EXOC4: variants seen among roughly 807,000 people sequenced by gnomAD.
EXOC4 encodes SEC8-like 1.
In EXOC4, 71 loss-of-function variants were observed where a neutral mutation model predicts 107.2. The ratio of observed to expected loss-of-function variants is 0.66; its 90% confidence interval spans 0.55 to 0.81. EXOC4 has a LOEUF of 0.81. EXOC4 is among the 30% of genes least tolerant of loss of function. EXOC4 has a pLI of 0.00. For missense variants in EXOC4, 1,108 were observed against 1,189.6 expected, an observed-to-expected ratio of 0.93 and a Z score of 1.01; for synonymous variants, 456 against 441.2, an observed-to-expected ratio of 1.03 and a Z score of -0.42.
intron 10 of EXOC4, among the ~76,000 whole-genome samples, chr7:133,645,827 G>A (rs930028883): frequency 1.7e-4 from 26 of 152,148 alleles, no homozygotes; most frequent in African/African-American, 6.0e-4. Context: ...ACTTCCAAAT[G>A]TATTTTGTGG....
intron 5 of EXOC4, among the ~76,000 whole-genome samples, chr7:133,319,838 C>CTTT (rs35274622): frequency 0.011 from 1,045 of 94,528 alleles, 5 homozygotes; most frequent in African/African-American, 0.021. Flanking sequence ...TGATCGTGTG[C>CTTT]TTTTTTTTTT....
intron 9 of EXOC4, among the ~76,000 whole-genome samples, chr7:133,590,354 A>G (rs1217734281): frequency 6.6e-6 from 1 of 152,072 alleles, no homozygotes; most frequent in East Asian, 1.9e-4. Flanking sequence ...CAGTGTAACA[A>G]TCATAGCTCC....
chr7:133,705,137 G>T (rs1335858681), intron 10 of EXOC4, among the ~76,000 whole-genome samples: 1 of 152,176 alleles, frequency 6.6e-6, no homozygotes, highest in Non-Finnish European at 1.5e-5. Flanking sequence ...GCTGAGGCCA[G>T]TGGATCACTT....
chr7:133,730,361 T>C (rs967008853), intron 10 of EXOC4, among the ~76,000 whole-genome samples: 2 of 151,850 alleles, frequency 1.3e-5, no homozygotes, highest in African/African-American at 2.4e-5. Context: ...AGGATCCTCA[T>C]GTATGGAGCG....
chr7:133,336,186 T>C (rs1795507629), intron 5 of EXOC4, among the ~76,000 whole-genome samples: 1 of 152,234 alleles, frequency 6.6e-6, no homozygotes, highest in African/African-American at 2.4e-5. Context: ...ACAGAAGTTT[T>C]GAATTTTCGT....
chr7:133,804,995 A>G (rs1021555284), intron 10 of EXOC4, among the ~76,000 whole-genome samples: 4 of 152,190 alleles, frequency 2.6e-5, no homozygotes, highest in African/African-American at 9.7e-5. Flanking sequence ...AAATAACTTA[A>G]TATTATTTAT....
Position 133,757,856 on chromosome 7 carries a change from A to C in EXOC4, c.1515-59469A>C, listed in dbSNP as rs1480365190. ...CTATTATTATCCCTCATTTTTAAAC[A>C]GATAAGGAGACTATCTTAAAATTTT... On this transcript the variant is annotated intron_variant, in intron 10 of 17. Transcript: ENST00000253861. 4.6e-5 allele frequency among the ~76,000 whole-genome samples: 7 copies of C among 152,232 alleles called. No individual in the cohort carries two copies. In the East Asian group the frequency reaches 1.3e-3, roughly 29 times the overall value.
intron 14 of EXOC4, among the ~76,000 whole-genome samples, chr7:133,938,750 GT>G (rs1800361392): frequency 6.6e-6 from 1 of 152,164 alleles, no homozygotes; most frequent in Non-Finnish European, 1.5e-5. Context: ...GTATAACACA[GT>G]TAAAATAGAG....
chr7:133,693,683 T>G (rs1585083338), intron 10 of EXOC4, among the ~76,000 whole-genome samples: 1 of 152,178 alleles, frequency 6.6e-6, no homozygotes, highest in African/African-American at 2.4e-5. Context: ...TATAAAATGC[T>G]GTCTATATTC....
chr7:133,368,528 C>CT (rs906804680), intron 6 of EXOC4, among the ~76,000 whole-genome samples: 6 of 151,878 alleles, frequency 4.0e-5, no homozygotes, highest in Non-Finnish European at 5.9e-5. Context: ...TTTTAATTTG[C>CT]TTTTTTTTAA....
intron 10 of EXOC4, among the ~76,000 whole-genome samples, chr7:133,742,589 A>G (rs948148176): frequency 1.3e-5 from 2 of 152,234 alleles, no homozygotes; most frequent in African/African-American, 4.8e-5. Flanking sequence ...CTAGTTTCAT[A>G]TCCTGCAGCA....
chr7:133,752,333 TAA>T (rs1218843396), intron 10 of EXOC4, among the ~76,000 whole-genome samples: 8 of 152,220 alleles, frequency 5.3e-5, no homozygotes, highest in Non-Finnish European at 1.2e-4. Context: ...TGCAGAGTCC[TAA>T]GTTTTTGGAC....
intron 9 of EXOC4, among the ~76,000 whole-genome samples, chr7:133,604,706 C>CCTTCTTTTT (rs1191856891): frequency 2.3e-5 from 2 of 87,556 alleles, no homozygotes; most frequent in African/African-American, 8.8e-5. Context: ...TTCCTTCCTT[C>CCTTCTTTTT]TTTCTTTTTT....
chr7:133,461,381 A>G (rs1798589231), intron 7 of EXOC4, among the ~76,000 whole-genome samples: 1 of 152,340 alleles, frequency 6.6e-6, no homozygotes, highest in Non-Finnish European at 1.5e-5. Flanking sequence ...GTAATTACAA[A>G]GTAAATGCTG....
At chr7:133,689,663 G>C (rs1585080749) in intron 10 of EXOC4, among the ~76,000 whole-genome samples, 1 of 152,286 alleles carries the variant, frequency 6.6e-6, no homozygotes, top group East Asian at 1.9e-4. Context: ...CAGATATTCA[G>C]GGTGAGGGAC....
intron 11 of EXOC4, among the ~76,000 whole-genome samples, chr7:133,858,347 T>A (rs1798463229): frequency 6.6e-6 from 1 of 152,092 alleles, no homozygotes; most frequent in African/African-American, 2.4e-5. Flanking sequence ...CTGGGGGTTT[T>A]TATGGACTCA....
intron 17 of EXOC4, among the ~76,000 whole-genome samples, chr7:134,042,503 G>GC (rs1795543742): frequency 6.6e-6 from 1 of 151,636 alleles, no homozygotes; most frequent in Non-Finnish European, 1.5e-5. Context: ...AAAGTGAAAG[G>GC]ACACATGACA....
intron 17 of EXOC4, among the ~76,000 whole-genome samples, chr7:134,052,795 G>T (rs547083584): frequency 3.9e-4 from 60 of 152,290 alleles, no homozygotes; most frequent in African/African-American, 5.8e-4. Context: ...GCCTAAATCT[G>T]CCAGAGAATG....
intron 9 of EXOC4, among the ~76,000 whole-genome samples, chr7:133,512,407 C>T (rs1037813916): frequency 6.6e-6 from 1 of 151,354 alleles, no homozygotes; most frequent in African/African-American, 2.4e-5. Context: ...CCAGCCTGGG[C>T]GATAGAGTGA....
Sources: gnomAD v4.1 joint callset for allele counts (sites outside exome capture counted in the v4.1 genomes callset) on GRCh38, gnomAD v4.1.1 for gene constraint, MANE v1.5 for transcripts, NCBI Gene and HGNC (gene_info 2026-07-23, HGNC 2026-07-21) for gene names.